Variants in ARB2A observed in about 807,000 individuals in gnomAD.
The protein encoded by ARB2A is cotranscriptional regulator ARB2A.
chr5:94,111,645 T>G, the ARB2A span: 1 of 152,206 alleles, frequency 6.6e-6, no homozygotes, highest in Non-Finnish European at 1.5e-5. Flanking sequence ...CAAGTTCGAG[T>G]TGCACTTCCG....
chr5:93,971,000 G>C, the ARB2A span, among the ~76,000 whole-genome samples: 1 of 151,672 alleles, frequency 6.6e-6, no homozygotes, highest in South Asian at 2.1e-4. Context: ...ATAAACTTTC[G>C]CTTTTTTTTT....
chr5:93,961,479 G>A, the ARB2A span, among the ~76,000 whole-genome samples: 2 of 152,132 alleles, frequency 1.3e-5, no homozygotes, highest in African/African-American at 4.8e-5. Context: ...GAGTCCAGGA[G>A]TTCGAAACCA....
At chr5:93,805,071 A>C in the ARB2A span, 21 of 963,888 alleles carry the variant, frequency 2.2e-5, no homozygotes, top group Non-Finnish European at 2.5e-5. Context: ...TTAATGATTA[A>C]TGATTTTCAC....
chr5:93,662,594 T>A, the ARB2A span, among the ~76,000 whole-genome samples: 1 of 152,218 alleles, frequency 6.6e-6, no homozygotes, highest in Non-Finnish European at 1.5e-5. Flanking sequence ...CTGTCTTTAG[T>A]AAGACATCAG....
At chr5:94,045,484 A>C in the ARB2A span, among the ~76,000 whole-genome samples, 1 of 152,190 alleles carries the variant, frequency 6.6e-6, no homozygotes, top group African/African-American at 2.4e-5. Context: ...TTTAAATCAC[A>C]AACACTTTAA....
At chr5:93,915,948 C>G in the ARB2A span, among the ~76,000 whole-genome samples, 3 of 152,120 alleles carry the variant, frequency 2.0e-5, no homozygotes, top group South Asian at 4.2e-4. Flanking sequence ...ATATTTGTTT[C>G]CAATACACAT....
At chr5:93,912,336 C>G in the ARB2A span, among the ~76,000 whole-genome samples, 1 of 151,750 alleles carries the variant, frequency 6.6e-6, no homozygotes, top group Non-Finnish European at 1.5e-5. Flanking sequence ...CTGTGAATAT[C>G]TTTGTATTTC....
chr5:93,981,590 T>A, the ARB2A span, among the ~76,000 whole-genome samples: 1 of 151,910 alleles, frequency 6.6e-6, no homozygotes, highest in East Asian at 1.9e-4. Context: ...ACCCTCCCAA[T>A]TCTTTCTGGA....
the ARB2A span, among the ~76,000 whole-genome samples, chr5:93,645,442 C>T: frequency 4.3e-4 from 66 of 152,014 alleles, no homozygotes; most frequent in African/African-American, 1.5e-3. Context: ...GACATGGTGG[C>T]GTGCACCTGT....
chr5:93,976,827 T>C, the ARB2A span, among the ~76,000 whole-genome samples: 1 of 152,192 alleles, frequency 6.6e-6, no homozygotes, highest in Non-Finnish European at 1.5e-5. Context: ...TCTCTTTTCA[T>C]TGCTGATATG....
chr5:93,769,711 G>A, the ARB2A span, among the ~76,000 whole-genome samples: 1 of 152,112 alleles, frequency 6.6e-6, no homozygotes, highest in Admixed American at 6.5e-5. Context: ...AAATTATGGA[G>A]AACAAGATGG....
the ARB2A span, among the ~76,000 whole-genome samples, chr5:93,840,067 T>G: frequency 6.6e-6 from 1 of 152,174 alleles, no homozygotes; most frequent in Non-Finnish European, 1.5e-5. Flanking sequence ...GAGGTAGATT[T>G]GCTCCTGCTT....
chr5:93,947,248 T>A, the ARB2A span, among the ~76,000 whole-genome samples: 10 of 152,244 alleles, frequency 6.6e-5, no homozygotes, highest in South Asian at 2.1e-3. Context: ...TGGTCCAGAA[T>A]TCATTTTTAT....
At chr5:93,947,443 G>A in the ARB2A span, among the ~76,000 whole-genome samples, 9 of 151,772 alleles carry the variant, frequency 5.9e-5, no homozygotes, top group African/African-American at 1.9e-4. Flanking sequence ...TTTTATTTTA[G>A]AGATGAGGTC....
At chr5:93,880,773 C>T in the ARB2A span, among the ~76,000 whole-genome samples, 2 of 151,690 alleles carry the variant, frequency 1.3e-5, 1 homozygote, top group South Asian at 4.1e-4. Flanking sequence ...CCTTGGGCAA[C>T]ACTGCTCTAA....
chr5:93,642,453 CCT>C, the ARB2A span, among the ~76,000 whole-genome samples: 1 of 152,148 alleles, frequency 6.6e-6, no homozygotes, highest in Admixed American at 6.5e-5. Flanking sequence ...CTTACTGCAA[CCT>C]CTGTCTCCCA....
At chr5:94,031,980 A>C in the ARB2A span, among the ~76,000 whole-genome samples, 1,418 of 152,262 alleles carry the variant, frequency 9.3e-3, 22 homozygotes, top group African/African-American at 0.033. Flanking sequence ...AGATGTGCAG[A>C]GGTGTGCAGG....
the ARB2A span, among the ~76,000 whole-genome samples, chr5:94,046,335 G>A: frequency 1.3e-5 from 2 of 152,006 alleles, no homozygotes; most frequent in Admixed American, 6.6e-5. Context: ...TACAGGGCAA[G>A]TTCATCTAAC....
chr5:94,029,148 T>C, the ARB2A span, among the ~76,000 whole-genome samples: 2 of 152,138 alleles, frequency 1.3e-5, no homozygotes, highest in African/African-American at 4.8e-5. Context: ...CATGCCACCA[T>C]GTCCAGCTAA....
Sources: allele counts gnomAD v4.1 joint callset (sites outside exome capture counted in the v4.1 genomes callset), GRCh38; gene constraint gnomAD v4.1.1; transcripts MANE v1.5; gene names NCBI Gene and HGNC (gene_info 2026-07-23, HGNC 2026-07-21).